The following TNFAIP3 variants were observed in gnomAD, a reference collection of about 807,000 sequenced individuals.
TNFAIP3 encodes TNF alpha induced protein 3.
Under a neutral mutation model 72.4 loss-of-function variants are expected in TNFAIP3, and 9 were observed. The observed-to-expected ratio is 0.12, with a 90% CI of 0.07 to 0.22. TNFAIP3 has a LOEUF of 0.22. Among genes scored for constraint, TNFAIP3 ranks in the 10% least tolerant of loss-of-function variants. The probability of loss-of-function intolerance (pLI) is 1.00; values close to 1 mark genes in which losing one functional copy is unlikely to be tolerated. For synonymous variants in TNFAIP3, 339 were observed against 372.6 expected, an observed-to-expected ratio of 0.91 and a Z score of 1.04; for missense variants, 833 against 1,018.7, an observed-to-expected ratio of 0.82 and a Z score of 2.48.
intron 4 of TNFAIP3, 32 bp downstream of exon 4, chr6:137,875,867 T>C (rs748806273): frequency 1.2e-6 from 2 of 1,613,570 alleles, no homozygotes; most frequent in Admixed American, 3.3e-5. Flanking sequence ...GATCTGTACT[T>C]AAATGCTTTC....
chr6:137,878,377 A>C, intron 6 of TNFAIP3, 55 bp from the exon 7 acceptor site: 4 of 1,479,140 alleles, frequency 2.7e-6, no homozygotes, highest in Non-Finnish European at 3.7e-6. Flanking sequence ...ATGATGTAAA[A>C]TCTTGTGTGT....
rs1490946222 is a variant in TNFAIP3 at position 137,880,131 on chromosome 6, C to T, written c.1967C>T (p.Pro656Leu). 4 of 1,614,014 alleles carry T rather than the reference C, an allele frequency of 2.5e-6. No homozygotes were observed. Among genetic ancestry groups the T allele is most frequent in the South Asian group, 1.1e-5 (1 of 91,078 alleles). ...GCGTCCAGGTTCCAGAACACCATTC[C>T]GTGCCTGGGGAGGGAATGCGGCACC... ...PTASRFQNTI[P>L]CLGRECGTLG... Residue 656 changes from proline to leucine, a missense_variant, in exon 8 of 9, where the codon CCG becomes CTG. Around this residue, in one of 2 missense-constraint regions of TNFAIP3, gnomAD observed 587 missense variants for 657.8 expected, o/e 0.89. Coordinates refer to ENST00000612899, the MANE Select transcript of TNFAIP3 (RefSeq NM_001270508.2).
intron 4 of TNFAIP3, 60 bp from the exon 5 acceptor site, chr6:137,875,927 AACAGAGTTC>A: frequency 6.2e-7 from 1 of 1,600,180 alleles, no homozygotes. Flanking sequence ...AAGTTCAGGT[AACAGAGTTC>A]AATGGAATTT....
At chr6:137,879,502 C>T (rs915454091) in intron 7 of TNFAIP3, 151 bp downstream of exon 7, 2 of 955,856 alleles carry the variant, frequency 2.1e-6, no homozygotes, top group South Asian at 1.7e-5. Context: ...GGGACAGTCA[C>T]GGTGGCCCTG....
rs2114484930 is a variant in TNFAIP3, at chr6:137,876,048, G to A, written c.687G>A (p.Val229=). The A allele has an allele frequency of 6.2e-7, 1 of 1,614,134 alleles. No homozygotes were observed. The highest frequency in any genetic ancestry group is 8.5e-7 in the Non-Finnish European group (1 of 1,179,994). Residue 229 remains valine, a synonymous_variant, in exon 5 of 9, where the codon GTG becomes GTA. Transcript: ENST00000612899. ...ESGSNFAPLK[V]GGIYLPLHWP... is the part of the protein sequence containing the mutation. ...GTTCCAATTTCGCCCCTTTGAAAGT[G>A]GGTGGAATTTACTTGCCTCTCCACT...
chr6:137,869,500 C>T lies in TNFAIP3; in HGVS notation c.-15-1713C>T, dbSNP rs5029929. Among the ~76,000 whole-genome samples, 476 of 152,212 alleles carry T rather than the reference C, an allele frequency of 3.1e-3. 3 individuals carry two copies. The highest frequency in any genetic ancestry group is 0.011 in the African/African-American group (453 of 41,524). ...TTTGCCCAATTCCACCTGTAGAGGA[C>T]GTCTGACATCAAAAGAGAGCACCAT... On this transcript the variant is annotated intron_variant, in intron 1 of 8. Transcript: ENST00000612899.
rs946909369 is a variant in TNFAIP3 at position 137,871,946 on chromosome 6, G to A, written c.295+424G>A. On this transcript the variant is annotated intron_variant, in intron 2 of 8. Transcript: ENST00000612899. The surrounding 1 kb of genome is among the most constrained non-coding windows in gnomAD (Gnocchi z 4.2). ...TTCCCACTGTCATTAGAAAATGCTT[G>A]TGATGTTCTTACACTTCTTGAATTG... Among the ~76,000 whole-genome samples the A allele has an allele frequency of 6.6e-6, 1 of 152,228 alleles. No homozygotes were observed. The highest frequency in any genetic ancestry group is 2.4e-5 in the African/African-American group (1 of 41,454).
chr6:137,880,294 G>A (rs78919104), intron 8 of TNFAIP3, 42 bp downstream of exon 8: 77 of 1,607,420 alleles, frequency 4.8e-5, no homozygotes, highest in African/African-American at 4.5e-4. Flanking sequence ...CCGTGTGTTC[G>A]ATGCTTTTTG....
At position 137,881,045 on chromosome 6, in the gene TNFAIP3, A is replaced by C; in HGVS notation, c.2099A>C (p.Gln700Pro). The change falls in exon 9 of 9, where the codon CAG becomes CCG. Residue 700 changes from glutamine to proline, a missense_variant. This residue lies in a region of TNFAIP3 where 587 missense variants were observed against 657.8 expected (regional missense o/e 0.89). Transcript: ENST00000612899. The surrounding 1 kb of genome is among the most constrained non-coding windows in gnomAD (Gnocchi z 5.0). ...KRTEEQLRSS[Q>P]RRDVPRTTQS... is the part of the protein sequence containing the mutation. ...GTTCTTTCCACTCAGAGATCGAGCC[A>C]GCGCAGAGATGTGCCTCGAACCACA... 1 of 1,599,284 alleles carries C rather than the reference A, an allele frequency of 6.3e-7. No homozygotes were observed. The highest frequency in any genetic ancestry group is 8.5e-7 in the Non-Finnish European group (1 of 1,170,994).
At position 137,879,289 on chromosome 6, in the gene TNFAIP3, T is replaced by C. The variant is rs1171389977; in HGVS notation, c.1844T>C (p.Phe615Ser). Reference protein sequence around the residue: ...SKCRKAGCVYFGTPENKGFCT... With the variant: ...SKCRKAGCVYSGTPENKGFCT... ...TGCAGAAAAGCCGGCTGCGTGTATT[T>C]TGGGACTCCAGAAAACAAGGGCTTT... Residue 615 changes from phenylalanine to serine, a missense_variant, in exon 7 of 9, where the codon TTT (phenylalanine) becomes TCT (serine). Coordinates refer to ENST00000612899, the MANE Select transcript of TNFAIP3 (RefSeq NM_001270508.2). 1 of 1,614,100 alleles carries C rather than the reference T, an allele frequency of 6.2e-7. No individual in the cohort carries two copies. The highest frequency in any genetic ancestry group is 1.3e-5 in the African/African-American group (1 of 74,936).
intron 7 of TNFAIP3, among the ~76,000 whole-genome samples, chr6:137,879,823 CCTGTTCCTGTG>C (rs1776387928): frequency 6.6e-6 from 1 of 152,198 alleles, no homozygotes; most frequent in Non-Finnish European, 1.5e-5. Context: ...CTGCTCCTTG[CCTGTTCCTGTG>C]AGCAATCAGT....
Position 137,877,273 on chromosome 6 carries a change from C to T in TNFAIP3, c.986+17C>T, listed in dbSNP as rs778478299. On this transcript the variant is annotated intron_variant, in intron 6 of 8. Transcript: ENST00000612899. Reference sequence around the variant, plus strand: ...TGCCGCAAAGTAAGCAGTTTATGTTCAGCTCTCTCCTGTGTCATCTGTAAC... The same window carrying T: ...TGCCGCAAAGTAAGCAGTTTATGTTTAGCTCTCTCCTGTGTCATCTGTAAC... 6.3e-6 allele frequency: 10 copies of T among 1,594,830 alleles called. No individual in the cohort carries two copies. The highest frequency in any genetic ancestry group is 6.0e-6 in the Non-Finnish European group (7 of 1,170,452).
rs375007264 is a variant in TNFAIP3 at position 137,878,815 on chromosome 6, C to T, written c.1370C>T (p.Pro457Leu). 1.2e-6 allele frequency: 2 copies of T among 1,614,104 alleles called. No individual in the cohort carries two copies. Among genetic ancestry groups the T allele is most frequent in the East Asian group, 2.2e-5 (1 of 44,878 alleles). Residue 457 changes from proline to leucine, a missense_variant, in exon 7 of 9, where the codon CCT (proline) becomes CTT (leucine). Physicochemically the swap from Pro to Leu is moderately conservative, Grantham distance 98. This residue lies in a region of TNFAIP3 where 587 missense variants were observed against 657.8 expected (regional missense o/e 0.89). Coordinates refer to ENST00000612899, the MANE Select transcript of TNFAIP3 (RefSeq NM_001270508.2). ...AACCCTGAGGAGTCCACTGGGGGGCCTCATTCGGCCCCACCGACAGCACCC... is the reference window on the plus strand; with the variant it reads ...AACCCTGAGGAGTCCACTGGGGGGCTTCATTCGGCCCCACCGACAGCACCC... The part of the protein sequence containing the change: ...AWNPEESTGG[P>L]HSAPPTAPSP...
rs910754195 is a variant in TNFAIP3, at chr6:137,875,099, C to T, written c.486+64C>T. On this transcript the variant is annotated intron_variant, in intron 3 of 8. Transcript: ENST00000612899. ...ATGGTGGGCATAGGGTACCCCTGGG[C>T]GAGTCCCTGCCCTCTGGTAGCATCT... 135 of 1,573,750 alleles carry T rather than the reference C, an allele frequency of 8.6e-5. No homozygotes were observed. The East Asian group carries it at 1.1e-3, about 12-fold the overall frequency.
At chr6:137,870,522 G>T (rs965497506) in intron 1 of TNFAIP3, among the ~76,000 whole-genome samples, 1 of 152,198 alleles carries the variant, frequency 6.6e-6, no homozygotes, top group African/African-American at 2.4e-5. Flanking sequence ...GCTGGAAATG[G>T]ACTTTTTTAT....
At chr6:137,880,990 A>C in intron 8 of TNFAIP3, 45 bp from the exon 9 acceptor site, 3 of 1,543,322 alleles carry the variant, frequency 1.9e-6, no homozygotes, top group Non-Finnish European at 2.6e-6. Flanking sequence ...AATGTGAGCA[A>C]TAGTTTCCTG....
Position 137,871,226 on chromosome 6 carries a change from C to T in TNFAIP3, c.-2C>T, listed in dbSNP as rs771262533. On this transcript the variant is annotated 5_prime_UTR_variant, in exon 2 of 9. Transcript: ENST00000612899. The surrounding 1 kb of genome is among the most constrained non-coding windows in gnomAD (Gnocchi z 4.2). The stretch of plus-strand genomic sequence containing the variant: ...TTTCCTTTTCAGGTGTTGGAGAGCA[C>T]AATGGCTGAACAAGTCCTTCCTCAG... The T allele has an allele frequency of 6.2e-7, 1 of 1,607,636 alleles. No homozygotes were observed. The highest frequency in any genetic ancestry group is 2.2e-5 in the East Asian group (1 of 44,738).
chr6:137,872,998 AC>A lies in TNFAIP3; in HGVS notation c.295+1477del, dbSNP rs796102017. On this transcript the variant is annotated intron_variant, in intron 2 of 8. Transcript: ENST00000612899. ...AAAAAAAAAGGAATATAAATAGGAA[AC>A]ACTTATTTTGTAAACATGTCATTTA... Among the ~76,000 whole-genome samples, 192 of 152,334 alleles carry A rather than the reference AC, an allele frequency of 1.3e-3. 1 individual carries two copies. The highest frequency in any genetic ancestry group is 4.5e-3 in the African/African-American group (186 of 41,566).
At chr6:137,870,782 T>C (rs1460721904) in intron 1 of TNFAIP3, among the ~76,000 whole-genome samples, 2 of 152,150 alleles carry the variant, frequency 1.3e-5, no homozygotes, top group African/African-American at 2.4e-5. Context: ...AGCTACAGAC[T>C]TGTCAGGGCT....
Sources: allele counts gnomAD v4.1 joint callset (sites outside exome capture counted in the v4.1 genomes callset), GRCh38; gene constraint gnomAD v4.1.1; regional missense constraint gnomAD v4.1.1; non-coding constraint Gnocchi (gnomAD v3.1); transcripts MANE v1.5; gene names NCBI Gene and HGNC (gene_info 2026-07-23, HGNC 2026-07-21).